The following PLXNA2 variants were observed in gnomAD, a reference collection of about 807,000 sequenced individuals.
PLXNA2 encodes the protein plexin-A2.
In PLXNA2, 91 loss-of-function variants were observed where a neutral mutation model predicts 193.5. The ratio of observed to expected loss-of-function variants is 0.47; its 90% confidence interval spans 0.40 to 0.56. The LOEUF (loss-of-function observed/expected upper bound fraction) is 0.56. Among genes scored for constraint, PLXNA2 ranks in the 20% least tolerant of loss-of-function variants. The probability of loss-of-function intolerance (pLI) is 0.00; values close to 1 mark genes in which losing one functional copy is unlikely to be tolerated. For missense variants in PLXNA2, 1,995 were observed against 2,503.2 expected (o/e 0.80, Z 4.33); for synonymous variants, 997 against 1,027.3 (o/e 0.97, Z 0.56).
In PLXNA2 at chr1:208,130,076, G is replaced by C. The variant is rs374023804; in HGVS notation, c.1506+12253C>G. On this transcript the variant is annotated intron_variant, in intron 4 of 31. Transcript: ENST00000367033. ...TGGTGGGAGTTTCAAACCCCAACCT[G>C]TTTGCAAGGTGGGGACCAGTCATAA... Among the ~76,000 whole-genome samples, 46 of 152,310 alleles carry C rather than the reference G, an allele frequency of 3.0e-4. No homozygotes were observed. The East Asian group carries it at 4.4e-3, about 15-fold the overall frequency.
intron 13 of PLXNA2, among the ~76,000 whole-genome samples, chr1:208,059,857 C>G (rs1486002408): frequency 6.6e-6 from 1 of 151,894 alleles, no homozygotes; most frequent in African/African-American, 2.4e-5. Context: ...AAGGCTGGCT[C>G]CGGTGGGGGG....
At chr1:208,057,900 A>G (rs1271322336) in intron 13 of PLXNA2, among the ~76,000 whole-genome samples, 1 of 152,194 alleles carries the variant, frequency 6.6e-6, no homozygotes. Flanking sequence ...GAGGACCACC[A>G]AAGCAAATGT....
rs183818015 is a variant in PLXNA2 at position 208,039,595 on chromosome 1, G to C, written c.4500+26C>G. ...GGGCAGAAGTAGAAGATACACAGGCGGGCCCGGAGCTTCCGGCTTCCTCAC... is the reference window on the plus strand; with the variant it reads ...GGGCAGAAGTAGAAGATACACAGGCCGGCCCGGAGCTTCCGGCTTCCTCAC... On this transcript the variant is annotated intron_variant, in intron 24 of 31. Transcript: ENST00000367033. 3 of 1,612,040 alleles carry C rather than the reference G, an allele frequency of 1.9e-6. No homozygotes were observed. The African/African-American group carries it at 4.0e-5, about 22-fold the overall frequency.
At chr1:208,070,615 A>T (rs1029822318) in intron 12 of PLXNA2, among the ~76,000 whole-genome samples, 1 of 152,194 alleles carries the variant, frequency 6.6e-6, no homozygotes, top group African/African-American at 2.4e-5. Flanking sequence ...CACTGGTCAA[A>T]CACAGGGGCT....
intron 3 of PLXNA2, among the ~76,000 whole-genome samples, chr1:208,164,179 C>T (rs1210429679): frequency 6.6e-6 from 1 of 152,212 alleles, no homozygotes; most frequent in Non-Finnish European, 1.5e-5. Context: ...ACCTTTAGCC[C>T]TGCAGGCTAC....
intron 6 of PLXNA2, among the ~76,000 whole-genome samples, chr1:208,098,452 T>TCACA (rs1466419984): frequency 1.7e-4 from 20 of 120,832 alleles, no homozygotes; most frequent in South Asian, 1.2e-3. Context: ...TCTCTCTCTC[T>TCACA]CTCTCTCACA....
intron 3 of PLXNA2, among the ~76,000 whole-genome samples, chr1:208,152,681 A>ACG (rs1173929314): frequency 7.8e-5 from 5 of 63,748 alleles, no homozygotes; most frequent in Admixed American, 1.8e-4. Flanking sequence ...ACACACACAC[A>ACG]CGCACACACA....
intron 3 of PLXNA2, among the ~76,000 whole-genome samples, chr1:208,185,620 C>A (rs1006752019): frequency 6.6e-6 from 1 of 150,420 alleles, no homozygotes; most frequent in Non-Finnish European, 1.5e-5. Flanking sequence ...CAGCCCCCAA[C>A]CCCCTGGCAA....
At chr1:208,242,690 C>CAG (rs1672098745) in intron 1 of PLXNA2, among the ~76,000 whole-genome samples, 1 of 152,182 alleles carries the variant, frequency 6.6e-6, no homozygotes, top group Non-Finnish European at 1.5e-5. Context: ...CCCTCCTGAG[C>CAG]AGAGCTGAGT....
chr1:208,070,622 G>A (rs1665947326), intron 12 of PLXNA2, among the ~76,000 whole-genome samples: 1 of 152,212 alleles, frequency 6.6e-6, no homozygotes, highest in African/African-American at 2.4e-5. Flanking sequence ...CAAACACAGG[G>A]GCTCTTGAGT....
At chr1:208,140,765 TA>T (rs1668435479) in intron 4 of PLXNA2, among the ~76,000 whole-genome samples, 1 of 152,220 alleles carries the variant, frequency 6.6e-6, no homozygotes. Flanking sequence ...TGTTTTCCCT[TA>T]AAGAAGAACA....
At chr1:208,151,505 A>G (rs994273793) in intron 3 of PLXNA2, among the ~76,000 whole-genome samples, 1 of 152,176 alleles carries the variant, frequency 6.6e-6, no homozygotes, top group African/African-American at 2.4e-5. Flanking sequence ...TCGACAGGTT[A>G]ACTACCTTGG....
chr1:208,152,985 T>C (rs1668820015), intron 3 of PLXNA2, among the ~76,000 whole-genome samples: 1 of 151,982 alleles, frequency 6.6e-6, no homozygotes, highest in African/African-American at 2.4e-5. Flanking sequence ...GCACAGTTAC[T>C]TGTAAACATA....
intron 3 of PLXNA2, among the ~76,000 whole-genome samples, chr1:208,188,202 A>G (rs1572012451): frequency 6.6e-6 from 1 of 152,206 alleles, no homozygotes; most frequent in African/African-American, 2.4e-5. Context: ...ATTGTCCTTT[A>G]CACCTACTGT....
chr1:208,103,987 C>G (rs982069028), intron 4 of PLXNA2, among the ~76,000 whole-genome samples: 3 of 152,156 alleles, frequency 2.0e-5, no homozygotes, highest in African/African-American at 7.2e-5. Flanking sequence ...CTGGATATTA[C>G]TCACCCCTAC....
chr1:208,031,537 T>C, intron 29 of PLXNA2, 53 bp downstream of exon 29: 1 of 1,601,064 alleles, frequency 6.2e-7, no homozygotes, highest in Non-Finnish European at 8.6e-7. Flanking sequence ...TCATCCCTCT[T>C]AGCTCCAGGC....
chr1:208,108,002 T>G (rs17011949), intron 4 of PLXNA2, among the ~76,000 whole-genome samples: 42,598 of 151,896 alleles, frequency 0.28, 6,451 homozygotes, highest in South Asian at 0.37. Flanking sequence ...GAAATACTCT[T>G]ATTTAAAGGT....
chr1:208,056,816 G>C (rs1303279270), intron 13 of PLXNA2, among the ~76,000 whole-genome samples: 3 of 152,146 alleles, frequency 2.0e-5, no homozygotes, highest in Non-Finnish European at 4.4e-5. Flanking sequence ...GGAATGAGTG[G>C]GCAGAGGGCT....
chr1:208,147,399 A>C (rs1302363548), intron 3 of PLXNA2, among the ~76,000 whole-genome samples: 1 of 151,524 alleles, frequency 6.6e-6, no homozygotes, highest in African/African-American at 2.4e-5. Flanking sequence ...TGACTATAGG[A>C]GACTGTAATC....
Sources: allele counts gnomAD v4.1 joint callset (sites outside exome capture counted in the v4.1 genomes callset), GRCh38; gene constraint gnomAD v4.1.1; transcripts MANE v1.5; gene names NCBI Gene and HGNC (gene_info 2026-07-23, HGNC 2026-07-21).